Variants in HERC1 observed in about 807,000 individuals in gnomAD.
HERC1 encodes the protein HECT and RLD domain containing E3 ubiquitin protein ligase family member 1.
A neutral mutation model predicts 554.3 loss-of-function variants in HERC1; 160 were observed. The ratio of observed to expected loss-of-function variants is 0.29; its 90% CI spans 0.25 to 0.33. The LOEUF is 0.33. Ranked by LOEUF, HERC1 falls within the 10% of genes least tolerant of loss-of-function variation. The pLI, the probability that HERC1 is intolerant of heterozygous loss-of-function variation, is 1.00. For missense variants in HERC1, 4,919 were observed against 5,918.5 expected (o/e 0.83, Z 5.54); for synonymous variants, 2,175 against 2,131.7 (o/e 1.02, Z -0.56).
At chr15:63,712,469 G>T (rs1315738795) in intron 24 of HERC1, among the ~76,000 whole-genome samples, 2 of 152,208 alleles carry the variant, frequency 1.3e-5, no homozygotes, top group Non-Finnish European at 2.9e-5. Context: ...AGAGAAACAG[G>T]TTTGGAGAGA....
At chr15:63,706,890 A>T in intron 24 of HERC1, 59 bp from the exon 25 acceptor site, 1 of 1,063,402 alleles carries the variant, frequency 9.4e-7, no homozygotes, top group Non-Finnish European at 1.4e-6. Context: ...TTTAAGATTA[A>T]GATTTAATAG....
chr15:63,616,342 G>GA, intron 75 of HERC1, 88 bp downstream of exon 75: 1 of 1,360,118 alleles, frequency 7.4e-7, no homozygotes, highest in Non-Finnish European at 1.0e-6. Flanking sequence ...GCAAGTGGAA[G>GA]ACTGTATCTC....
intron 1 of HERC1, among the ~76,000 whole-genome samples, chr15:63,801,733 T>A (rs971182075): frequency 3.3e-5 from 5 of 152,198 alleles, no homozygotes; most frequent in African/African-American, 1.2e-4. Context: ...TGACCTAATG[T>A]GAGCAAGTGC....
intron 65 of HERC1, 89 bp downstream of exon 65, chr15:63,635,872 C>T: frequency 7.9e-7 from 1 of 1,268,822 alleles, no homozygotes; most frequent in Non-Finnish European, 1.1e-6. Context: ...TATATTTTTA[C>T]TATATTTTCT....
chr15:63,620,016 T>A lies in HERC1; in HGVS notation c.13688+2799A>T, dbSNP rs542138975. Among the ~76,000 whole-genome samples the A allele has an allele frequency of 1.2e-3, 184 of 152,356 alleles. 1 individual carries two copies. Among genetic ancestry groups the A allele is most frequent in the African/African-American group, 4.4e-3 (181 of 41,578 alleles). On this transcript the variant is annotated intron_variant, in intron 74 of 77. Coordinates refer to ENST00000443617, the MANE Select transcript of HERC1 (RefSeq NM_003922.4). ...CCTTCAGTTCTGCTCTGATCTTAGT[T>A]ATTTATTGCCTTCTGCTAGCTTTTG...
chr15:63,824,368 C>A (rs142272241), intron 1 of HERC1, among the ~76,000 whole-genome samples: 2 of 151,884 alleles, frequency 1.3e-5, no homozygotes, highest in African/African-American at 2.4e-5. Context: ...CCCATCTCTA[C>A]TAAAAATACA....
intron 46 of HERC1, among the ~76,000 whole-genome samples, chr15:63,660,584 C>T (rs1389433037): frequency 6.6e-6 from 1 of 152,082 alleles, no homozygotes; most frequent in Non-Finnish European, 1.5e-5. Flanking sequence ...GAGTTCTTAG[C>T]TGTCTGTAAT....
In HERC1 at chr15:63,631,387, GCTT is replaced by G. The variant is rs1303060899; in HGVS notation, c.12797-755_12797-753del. ...GAGCTCCTAATTGCCTACTGCAGTG[GCTT>G]CTTTTCAGGCTCCAGCCCATGGGAA... On this transcript the variant is annotated intron_variant, in intron 68 of 77. Transcript: ENST00000443617. 3.3e-5 allele frequency among the ~76,000 whole-genome samples: 5 copies of G among 152,142 alleles called. No homozygotes were observed. In the East Asian group the frequency reaches 9.6e-4, roughly 29 times the overall value.
rs188136205 is a variant in HERC1 at position 63,830,713 on chromosome 15, A to C, written c.-27+3114T>G. 9.3e-4 allele frequency among the ~76,000 whole-genome samples: 141 copies of C among 152,356 alleles called. 1 individual carries two copies. Among genetic ancestry groups the C allele is most frequent in the African/African-American group, 3.3e-3 (137 of 41,574 alleles). Reference sequence around the variant, plus strand: ...CTCTCTGTAACTTTTCTGTAAGTCTAACATTATTTCTAAATAAATCATTAA... The same window carrying C: ...CTCTCTGTAACTTTTCTGTAAGTCTCACATTATTTCTAAATAAATCATTAA... On this transcript the variant is annotated intron_variant, in intron 1 of 77. Coordinates refer to ENST00000443617, the MANE Select transcript of HERC1 (RefSeq NM_003922.4).
At chr15:63,786,443 T>G (rs544645844) in intron 1 of HERC1, among the ~76,000 whole-genome samples, 6 of 152,004 alleles carry the variant, frequency 3.9e-5, no homozygotes, top group Non-Finnish European at 8.8e-5. Context: ...ATATGAAAAC[T>G]TGTACACAAA....
rs767390832 is a variant in HERC1, at chr15:63,698,962, G to A, written c.4671C>T (p.Asp1557=). Reference sequence around the variant, plus strand: ...TGCTATGTTTCAGGCGAGCCCAAGAGTCACTCAGGGATTCCAATTGACTGT... The same window carrying A: ...TGCTATGTTTCAGGCGAGCCCAAGAATCACTCAGGGATTCCAATTGACTGT... The part of the protein sequence containing the change: ...PMHSQLESLS[D]SWARLKHSRD... Residue 1557 remains aspartate, a synonymous_variant, in exon 26 of 78, where the codon GAC becomes GAT. Coordinates refer to ENST00000443617, the MANE Select transcript of HERC1 (RefSeq NM_003922.4). 2 of 1,613,362 alleles carry A rather than the reference G, an allele frequency of 1.2e-6. No individual in the cohort carries two copies. Among genetic ancestry groups the A allele is most frequent in the African/African-American group, 2.7e-5 (2 of 74,904 alleles).
At chr15:63,745,456 T>C (rs541801312) in intron 12 of HERC1, among the ~76,000 whole-genome samples, 2 of 152,354 alleles carry the variant, frequency 1.3e-5, no homozygotes, top group East Asian at 3.9e-4. Context: ...GCAGTTCCCC[T>C]CTGGCTAGGG....
chr15:63,692,030 C>A lies in HERC1; in HGVS notation c.5830+381G>T, dbSNP rs2072143853. ...CAATCAGAAGTCACAATCAAGGCAA[C>A]AGAAATCACATTATGATAAGAGAGA... On this transcript the variant is annotated intron_variant, in intron 31 of 77. Transcript: ENST00000443617. The surrounding 1 kb of genome is among the most constrained non-coding windows in gnomAD (Gnocchi z 4.7). 6.6e-6 allele frequency among the ~76,000 whole-genome samples: 1 copy of A among 152,170 alleles called. No homozygotes were observed. Among genetic ancestry groups the A allele is most frequent in the African/African-American group, 2.4e-5 (1 of 41,438 alleles).
chr15:63,654,991 G>GT (rs556646516), intron 50 of HERC1, among the ~76,000 whole-genome samples: 50 of 152,284 alleles, frequency 3.3e-4, no homozygotes, highest in African/African-American at 1.2e-3. Flanking sequence ...TAAGAAAACA[G>GT]TTTGGCTTTT....
intron 50 of HERC1, among the ~76,000 whole-genome samples, chr15:63,654,699 C>CA (rs372596416): frequency 0.2 from 26,223 of 133,818 alleles, 2,618 homozygotes; most frequent in Middle Eastern, 0.25. Context: ...ACTGAAAATA[C>CA]AAAAAAAAAA....
rs370605686 is a variant in HERC1, at chr15:63,645,510, C to T, written c.11051G>A (p.Gly3684Glu). The T allele has an allele frequency of 1.2e-6, 2 of 1,611,286 alleles. No homozygotes were observed. The highest frequency in any genetic ancestry group is 1.7e-6 in the Non-Finnish European group (2 of 1,178,874). The change falls in exon 56 of 78, where the codon GGA becomes GAA. Residue 3684 changes from glycine to glutamate, a missense_variant. This residue lies in a region of HERC1 where 1,963 missense variants were observed against 2,228.6 expected (regional missense o/e 0.88). Transcript: ENST00000443617. The stretch of plus-strand genomic sequence containing the variant: ...AGCCATCAGTAACTGCAACTTGGAT[C>T]CTTTCCCTGGAAGGCGGCACCAAGC... Reference protein sequence around the residue: ...GIAWCRLPGKGSKLQLLMATG... With the variant: ...GIAWCRLPGKESKLQLLMATG...
At chr15:63,626,359 T>A (rs1466646026) in intron 70 of HERC1, among the ~76,000 whole-genome samples, 2 of 152,146 alleles carry the variant, frequency 1.3e-5, no homozygotes, top group East Asian at 1.9e-4. Context: ...GAGAAAAAAA[T>A]AAAATAAAAT....
At chr15:63,653,789 T>C (rs879880191) in intron 51 of HERC1, among the ~76,000 whole-genome samples, 6 of 152,208 alleles carry the variant, frequency 3.9e-5, no homozygotes, top group Middle Eastern at 3.2e-3. Flanking sequence ...ATATTTTCCA[T>C]TGGTAGTTGG....
In HERC1 at chr15:63,732,970, G is replaced by A; in HGVS notation, c.2822C>T (p.Ala941Val). ...TQSCHPDTHL[A>V]EILMKTLLRN... ...TAAGAGGGTCTTCATCAAAATTTCA[G>A]CCAGGTGGGTATCTGGATGGCAGCT... The change falls in exon 14 of 78, where the codon GCT becomes GTT. Residue 941 changes from alanine to valine, a missense_variant. Around this residue, in one of 11 missense-constraint regions of HERC1, gnomAD observed 744 missense variants for 1,090.0 expected, o/e 0.68. Coordinates refer to ENST00000443617, the MANE Select transcript of HERC1 (RefSeq NM_003922.4). The A allele has an allele frequency of 6.2e-7, 1 of 1,613,830 alleles. No individual in the cohort carries two copies. Among genetic ancestry groups the A allele is most frequent in the Non-Finnish European group, 8.5e-7 (1 of 1,179,772 alleles).
Sources: allele counts gnomAD v4.1 joint callset (sites outside exome capture counted in the v4.1 genomes callset), GRCh38; gene constraint gnomAD v4.1.1; regional missense constraint gnomAD v4.1.1; non-coding constraint Gnocchi (gnomAD v3.1); transcripts MANE v1.5; gene names NCBI Gene and HGNC (gene_info 2026-07-23, HGNC 2026-07-21).